Variants in TXLNA observed in about 807,000 individuals in gnomAD.
TXLNA encodes the protein alpha-taxilin.
Under a neutral mutation model 61.4 loss-of-function variants are expected in TXLNA, and 9 were observed. The observed-to-expected ratio is 0.15, with a 90% CI of 0.09 to 0.26. The LOEUF is 0.26. Among genes scored for constraint, TXLNA ranks in the 10% least tolerant of loss-of-function variants. The pLI, the probability that TXLNA is intolerant of heterozygous loss-of-function variation, is 1.00. For missense variants in TXLNA, 565 were observed against 688.8 expected, an observed-to-expected ratio of 0.82 and a Z score of 2.01; for synonymous variants, 257 against 267.7, an observed-to-expected ratio of 0.96 and a Z score of 0.39.
chr1:32,195,092 C>G lies in TXLNA; in HGVS notation c.1538C>G (p.Pro513Arg). The change falls in exon 11 of 11, where the codon CCC becomes CGC. Residue 513 changes from proline to arginine, a missense_variant. By Grantham distance (103) the Pro-to-Arg change is moderately radical (BLOSUM62 -2). Around this residue, in one of 2 missense-constraint regions of TXLNA, gnomAD observed 373 missense variants for 504.0 expected, o/e 0.74. Transcript: ENST00000373610. ...RRPEGPGAQA[P>R]SSPRVTEAPC... ...CCAGAGGGGCCTGGGGCTCAAGCAC[C>G]CAGCTCCCCCAGGGTCACAGAAGCG... The G allele has an allele frequency of 6.2e-7, 1 of 1,614,108 alleles. No homozygotes were observed. The highest frequency in any genetic ancestry group is 8.5e-7 in the Non-Finnish European group (1 of 1,179,982).
rs1303699178 is a variant in TXLNA at position 32,187,261 on chromosome 1, C to A, written c.598-693C>A. 3.3e-5 allele frequency among the ~76,000 whole-genome samples: 5 copies of A among 152,154 alleles called. No homozygotes were observed. In the East Asian group the frequency reaches 9.6e-4, roughly 29 times the overall value. Reference sequence around the variant, plus strand: ...AATGTTTTGGATATTAGGTTAAATACATATATTACTAAAATTAATTTCACC... The same window carrying A: ...AATGTTTTGGATATTAGGTTAAATAAATATATTACTAAAATTAATTTCACC... On this transcript the variant is annotated intron_variant, in intron 4 of 10. Transcript: ENST00000373610.
Position 32,192,273 on chromosome 1 carries a change from G to A in TXLNA, c.964-38G>A, listed in dbSNP as rs371581947. The A allele has an allele frequency of 2.1e-5, 34 of 1,607,768 alleles. No homozygotes were observed. Among genetic ancestry groups the A allele is most frequent in the African/African-American group, 1.9e-4 (14 of 74,838 alleles). On this transcript the variant is annotated intron_variant, in intron 6 of 10. Transcript: ENST00000373610. This position sits in a 1 kb window ranked among gnomAD's most constrained non-coding sequence, Gnocchi z 4.2. ...GTGGGGCTACCCTGAGAAAGGGAGC[G>A]CCTGACAAGCCGACTGCTCCCACCA...
At chr1:32,186,799 C>T (rs115501387) in intron 4 of TXLNA, among the ~76,000 whole-genome samples, 1,631 of 152,344 alleles carry the variant, frequency 0.011, 10 homozygotes, top group South Asian at 0.021. Flanking sequence ...AAGTCTAGAT[C>T]TGCGCTGTCC....
At chr1:32,193,858 C>A (rs563757674) in intron 9 of TXLNA, among the ~76,000 whole-genome samples, 1 of 152,256 alleles carries the variant, frequency 6.6e-6, no homozygotes, top group African/African-American at 2.4e-5. Flanking sequence ...TGCCTGGCCC[C>A]TTACCATTCC....
At position 32,196,018 on chromosome 1, in the gene TXLNA, CAG is replaced by C. The variant is rs1301202057; in HGVS notation, c.*824_*825del. On this transcript the variant is annotated 3_prime_UTR_variant, in exon 11 of 11. Coordinates refer to ENST00000373610, the MANE Select transcript of TXLNA (RefSeq NM_175852.4). Reference sequence around the variant, plus strand: ...CTTTTTCTTTTTTTTTTGCACATGACAGTGTTTGTATTGAGGACCTTCCAAGG... The same window carrying C: ...CTTTTTCTTTTTTTTTTGCACATGACTGTTTGTATTGAGGACCTTCCAAGG... The C allele has an allele frequency of 1.0e-5, 2 of 192,428 alleles. No individual in the cohort carries two copies. Among genetic ancestry groups the C allele is most frequent in the Non-Finnish European group, 2.0e-5 (2 of 99,270 alleles). The allele number at this position is 192,428 out of a possible 1,614,324, so 11.9% of individuals were successfully genotyped here.
chr1:32,192,817 A>G lies in TXLNA; in HGVS notation c.1158+86A>G. On this transcript the variant is annotated intron_variant, in intron 8 of 10. Coordinates refer to ENST00000373610, the MANE Select transcript of TXLNA (RefSeq NM_175852.4). This position sits in a 1 kb window ranked among gnomAD's most constrained non-coding sequence, Gnocchi z 4.2. ...GGTAGTGAAATGGGACCCTCATTCTAGGACTGGCTGTGTCCTGGCTGCTAT... is the reference window on the plus strand; with the variant it reads ...GGTAGTGAAATGGGACCCTCATTCTGGGACTGGCTGTGTCCTGGCTGCTAT... The G allele has an allele frequency of 7.2e-7, 1 of 1,398,298 alleles. No homozygotes were observed. Among genetic ancestry groups the G allele is most frequent in the South Asian group, 1.2e-5 (1 of 85,074 alleles). The allele number at this position is 1,398,298 out of a possible 1,614,324, so 86.6% of individuals were successfully genotyped here. A position where few individuals can be genotyped will look rare whatever the true frequency, so the allele number is the denominator to read the frequency against.
At position 32,192,313 on chromosome 1, in the gene TXLNA, T is replaced by C. The variant is rs565338034; in HGVS notation, c.966T>C (p.His322=). The change falls in exon 7 of 11, where the codon CAT becomes CAC. Residue 322 remains histidine, a splice_region_variant and synonymous_variant. Transcript: ENST00000373610. The surrounding 1 kb of genome is among the most constrained non-coding windows in gnomAD (Gnocchi z 4.2). ...LIEQYELREE[H]IDKVFKHKDL... is the part of the protein sequence containing the mutation. The stretch of plus-strand genomic sequence containing the variant: ...TGCTCCCACCATCTTTGTTGCAGCA[T>C]ATCGACAAAGTCTTCAAACACAAGG... 1.5e-5 allele frequency: 24 copies of C among 1,613,814 alleles called. No homozygotes were observed. Among genetic ancestry groups the C allele is most frequent in the South Asian group, 8.8e-5 (8 of 91,062 alleles).
At chr1:32,184,486 G>A in intron 3 of TXLNA, 39 bp from the exon 4 acceptor site, 1 of 1,400,030 alleles carries the variant, frequency 7.1e-7, no homozygotes. Flanking sequence ...GGGGACACCT[G>A]GAGAAGAGGG....
At chr1:32,187,363 A>G (rs1401074540) in intron 4 of TXLNA, among the ~76,000 whole-genome samples, 1 of 152,178 alleles carries the variant, frequency 6.6e-6, no homozygotes, top group Non-Finnish European at 1.5e-5. Flanking sequence ...TCTGTTGTAC[A>G]GGCCTGGATA....
intron 10 of TXLNA, among the ~76,000 whole-genome samples, chr1:32,194,382 G>A (rs1642969372): frequency 6.6e-6 from 1 of 152,150 alleles, no homozygotes; most frequent in South Asian, 2.1e-4. Flanking sequence ...TGGAAGAAAG[G>A]AATAAAAGAG....
chr1:32,183,423 CTTTT>C (rs1162538631), intron 3 of TXLNA, among the ~76,000 whole-genome samples: 6 of 91,824 alleles, frequency 6.5e-5, no homozygotes, highest in Non-Finnish European at 2.1e-5. Context: ...CGTACCCTGC[CTTTT>C]TTTTTTTTTT....
rs9661742 is a variant in TXLNA at position 32,185,744 on chromosome 1, G to A, written c.597+1128G>A. On this transcript the variant is annotated intron_variant, in intron 4 of 10. Transcript: ENST00000373610. The stretch of plus-strand genomic sequence containing the variant: ...AGTCAGAGTCTCGCTCTGTCACCAG[G>A]CTGGAGTGCAGTGGCGCGATCTCGG... 4.9e-3 allele frequency among the ~76,000 whole-genome samples: 738 copies of A among 149,402 alleles called. 2 individuals carry two copies. Among genetic ancestry groups the A allele is most frequent in the African/African-American group, 0.017 (700 of 40,458 alleles).
In TXLNA at chr1:32,181,419, A is replaced by G; in HGVS notation, c.347A>G (p.Tyr116Cys). ...EPEDAEKSRT[Y>C]VARNGEPEPT... ...GAAGATGCAGAGAAGTCCCGGACCT[A>G]TGTGGCAAGGAATGGGGAGCCTGAA... The change falls in exon 3 of 11, where the codon TAT becomes TGT. Residue 116 changes from tyrosine (Y) to cysteine (C), a missense_variant. Tyr to Cys is a radical substitution (Grantham distance 194). Transcript: ENST00000373610. 2 of 1,614,234 alleles carry G rather than the reference A, an allele frequency of 1.2e-6. No individual in the cohort carries two copies. Among genetic ancestry groups the G allele is most frequent in the South Asian group, 2.2e-5 (2 of 91,086 alleles).
intron 9 of TXLNA, among the ~76,000 whole-genome samples, chr1:32,193,512 G>T (rs945826855): frequency 2.7e-5 from 4 of 150,514 alleles, no homozygotes; most frequent in East Asian, 2.0e-4. Context: ...TGTTTGTTTG[G>T]TTTTTTTGGG....
At chr1:32,188,958 CT>C (rs930094307) in intron 5 of TXLNA, among the ~76,000 whole-genome samples, 3 of 152,070 alleles carry the variant, frequency 2.0e-5, no homozygotes, top group Non-Finnish European at 4.4e-5. Context: ...AGCCTTTTAA[CT>C]TTCTTTTTTA....
At chr1:32,194,730 A>G (rs116122100) in intron 10 of TXLNA, among the ~76,000 whole-genome samples, 172 bp from the exon 11 acceptor site, 1 of 152,100 alleles carries the variant, frequency 6.6e-6, no homozygotes, top group Non-Finnish European at 1.5e-5. Context: ...TTTCTGCACC[A>G]TGCTGCCCCA....
intron 3 of TXLNA, 40 bp from the exon 4 acceptor site, chr1:32,184,485 T>A (rs1171889414): frequency 2.2e-6 from 3 of 1,391,508 alleles, no homozygotes; most frequent in Non-Finnish European, 3.1e-6. Context: ...AGGGGACACC[T>A]GGAGAAGAGG....
In TXLNA at chr1:32,195,049, A is replaced by C. The variant is rs2124167905; in HGVS notation, c.1495A>C (p.Ser499Arg). The C allele has an allele frequency of 6.2e-7, 1 of 1,614,168 alleles. No individual in the cohort carries two copies. Among genetic ancestry groups the C allele is most frequent in the Middle Eastern group, 1.6e-4 (1 of 6,062 alleles). Residue 499 changes from serine (S) to arginine (R), a missense_variant, in exon 11 of 11, where the codon AGT (serine) becomes CGT (arginine). Coordinates refer to ENST00000373610, the MANE Select transcript of TXLNA (RefSeq NM_175852.4). Reference sequence around the variant, plus strand: ...TGGTGGCCAGGGCTCCCTCACTGACAGTGGCCCTGAGAGGAGGCCAGAGGG... The same window carrying C: ...TGGTGGCCAGGGCTCCCTCACTGACCGTGGCCCTGAGAGGAGGCCAGAGGG... ...SAGGQGSLTD[S>R]GPERRPEGPG...
intron 1 of TXLNA, chr1:32,180,074 A>C: frequency 3.7e-5 from 11 of 295,684 alleles, no homozygotes; most frequent in East Asian, 6.5e-5. Context: ...TGTGCCGGGA[A>C]GTGGCTCCAG....
Sources: allele counts gnomAD v4.1 joint callset (sites outside exome capture counted in the v4.1 genomes callset), GRCh38; gene constraint gnomAD v4.1.1; regional missense constraint gnomAD v4.1.1; non-coding constraint Gnocchi (gnomAD v3.1); transcripts MANE v1.5; gene names NCBI Gene and HGNC (gene_info 2026-07-23, HGNC 2026-07-21).